The following MET variants were observed in gnomAD, a reference collection of about 807,000 sequenced individuals.
MET encodes MET proto-oncogene, receptor tyrosine kinase, also known as hepatocyte growth factor receptor.
In MET, 48 loss-of-function variants were observed where a neutral mutation model predicts 133.1. The ratio of observed to expected loss-of-function variants is 0.36; its 90% confidence interval spans 0.29 to 0.46. The LOEUF is 0.46. Ranked by LOEUF, MET falls within the 20% of genes least tolerant of loss-of-function variation. The probability of loss-of-function intolerance (pLI) is 1.00; values close to 1 mark genes in which losing one functional copy is unlikely to be tolerated. For missense variants in MET, 1,442 were observed against 1,695.9 expected (o/e 0.85, Z 2.63); for synonymous variants, 628 against 616.5 (o/e 1.02, Z -0.28).
intron 5 of MET, among the ~76,000 whole-genome samples, chr7:116,753,489 G>T (rs76575533): frequency 1.3e-5 from 2 of 151,998 alleles, no homozygotes; most frequent in Non-Finnish European, 2.9e-5. Flanking sequence ...TGCCTAATGC[G>T]GTCTTAAATC....
At chr7:116,747,648 G>A (rs1490136874) in intron 5 of MET, among the ~76,000 whole-genome samples, 2 of 152,146 alleles carry the variant, frequency 1.3e-5, no homozygotes, top group Admixed American at 1.3e-4. Context: ...GACCTACAAG[G>A]AGACTTAGAC....
intron 1 of MET, among the ~76,000 whole-genome samples, chr7:116,693,901 T>C (rs958634375): frequency 3.3e-5 from 5 of 152,232 alleles, no homozygotes; most frequent in Admixed American, 6.5e-5. Context: ...CATTAACTTA[T>C]TGAATCCTTA....
rs376097698 is a variant in MET, at chr7:116,699,637, C to A, written c.553C>A (p.Leu185Ile). Residue 185 changes from leucine (L) to isoleucine (I), a missense_variant, in exon 2 of 21, where the codon CTT (leucine) becomes ATT (isoleucine). Leu to Ile is a conservative substitution (Grantham distance 5, BLOSUM62 2). Coordinates refer to ENST00000397752, the MANE Select transcript of MET (RefSeq NM_000245.4). ...CVVSALGAKVLSSVKDRFINF... is the reference protein window; with the variant it reads ...CVVSALGAKVISSVKDRFINF... ...GGTGAGCGCCCTGGGAGCCAAAGTC[C>A]TTTCATCTGTAAAGGACCGGTTCAT... 1 of 1,613,858 alleles carries A rather than the reference C, an allele frequency of 6.2e-7. No individual in the cohort carries two copies. Among genetic ancestry groups the A allele is most frequent in the Non-Finnish European group, 8.5e-7 (1 of 1,179,966 alleles).
chr7:116,783,165 A>C (rs191438754), intron 18 of MET, 139 bp from the exon 19 acceptor site: 3 of 937,576 alleles, frequency 3.2e-6, no homozygotes, highest in Middle Eastern at 3.1e-4. Flanking sequence ...AGTGTTAGTC[A>C]ATAGAGGCCA....
chr7:116,695,255 C>T (rs1233307049), intron 1 of MET, among the ~76,000 whole-genome samples: 1 of 152,030 alleles, frequency 6.6e-6, no homozygotes. Flanking sequence ...TACATATTTG[C>T]AGTTTGGTTT....
Position 116,749,719 on chromosome 7 carries a change from C to T in MET, c.1702-5636C>T, listed in dbSNP as rs1230964289. Among the ~76,000 whole-genome samples, 6 of 152,308 alleles carry T rather than the reference C, an allele frequency of 3.9e-5. 1 individual carries two copies. The East Asian group carries it at 1.2e-3, about 29-fold the overall frequency. ...GCATATTTAGAAAACCCCATCGTCT[C>T]AGCCCAAAATCTCCTTAAGCTGATA... On this transcript the variant is annotated intron_variant, in intron 5 of 20. Coordinates refer to ENST00000397752, the MANE Select transcript of MET (RefSeq NM_000245.4).
At chr7:116,753,657 G>GA (rs1364044303) in intron 5 of MET, among the ~76,000 whole-genome samples, 1 of 152,196 alleles carries the variant, frequency 6.6e-6, no homozygotes, top group East Asian at 1.9e-4. Flanking sequence ...AGATAATTAG[G>GA]AAAAATTGTT....
At chr7:116,756,105 G>A (rs1794168864) in intron 6 of MET, among the ~76,000 whole-genome samples, 1 of 152,212 alleles carries the variant, frequency 6.6e-6, no homozygotes, top group Non-Finnish European at 1.5e-5. Flanking sequence ...AGAGGTACCT[G>A]AAGTTCAGAG....
chr7:116,691,318 C>T (rs973936058), intron 1 of MET, among the ~76,000 whole-genome samples: 1 of 152,098 alleles, frequency 6.6e-6, no homozygotes, highest in Non-Finnish European at 1.5e-5. Context: ...GATATGTTCT[C>T]AAATGCAAAG....
Position 116,724,064 on chromosome 7 carries a change from G to A in MET, c.1201-7604G>A, listed in dbSNP as rs1013329027. 9 of 172,188 alleles carry A rather than the reference G, an allele frequency of 5.2e-5. No homozygotes were observed. In the South Asian group the frequency reaches 1.5e-3, roughly 28 times the overall value. 10.7% of individuals were successfully genotyped at this position (172,188 alleles called of 1,614,324 possible). A position where few individuals can be genotyped will look rare whatever the true frequency, so the allele number is the denominator to read the frequency against. On this transcript the variant is annotated intron_variant, in intron 2 of 20. Transcript: ENST00000397752. ...TACCTAAGCAAGCCTGGGCAATGGC[G>A]GGTGCCCCTCCCCCAGCCTCGCTGC...
At chr7:116,733,963 A>G (rs1793118260) in intron 3 of MET, among the ~76,000 whole-genome samples, 1 of 152,250 alleles carries the variant, frequency 6.6e-6, no homozygotes, top group Admixed American at 6.5e-5. Context: ...AATTTTATAA[A>G]GAAACCTAAA....
Position 116,700,238 on chromosome 7 carries a change from G to A in MET, c.1154G>A (p.Cys385Tyr), listed in dbSNP as rs752055485. Residue 385 changes from cysteine (C) to tyrosine (Y), a missense_variant, in exon 2 of 21, where the codon TGT (cysteine) becomes TAT (tyrosine). This residue lies in a region of MET where 762 missense variants were observed against 792.4 expected (regional missense o/e 0.96). Coordinates refer to ENST00000397752, the MANE Select transcript of MET (RefSeq NM_000245.4). ...ATCGTCAACAAAAACAATGTGAGAT[G>A]TCTCCAGCATTTTTACGGACCCAAT... ...NKIVNKNNVR[C>Y]LQHFYGPNHE... The A allele has an allele frequency of 1.3e-6, 2 of 1,599,696 alleles. No individual in the cohort carries two copies. Among genetic ancestry groups the A allele is most frequent in the Admixed American group, 1.8e-5 (1 of 56,264 alleles).
chr7:116,726,278 C>A (rs891016495), intron 2 of MET, among the ~76,000 whole-genome samples: 1 of 147,730 alleles, frequency 6.8e-6, no homozygotes. Flanking sequence ...TATTCCTCCC[C>A]CTCCTGGAAA....
At chr7:116,707,097 C>T (rs1390452240) in intron 2 of MET, among the ~76,000 whole-genome samples, 1 of 151,956 alleles carries the variant, frequency 6.6e-6, no homozygotes, top group Non-Finnish European at 1.5e-5. Flanking sequence ...TCACCCTAGA[C>T]CTAGTCTAAT....
Position 116,699,111 on chromosome 7 carries a change from T to A in MET, c.27T>A (p.Pro9=). The change falls in exon 2 of 21, where the codon CCT becomes CCA. Residue 9 remains proline (P), a synonymous_variant. Transcript: ENST00000397752. MKAPAVLA[P]GILVLLFTLV... ...TGAAGGCCCCCGCTGTGCTTGCACCTGGCATCCTCGTGCTCCTGTTTACCT... is the reference window on the plus strand; with the variant it reads ...TGAAGGCCCCCGCTGTGCTTGCACCAGGCATCCTCGTGCTCCTGTTTACCT... 2 of 1,613,906 alleles carry A rather than the reference T, an allele frequency of 1.2e-6. No individual in the cohort carries two copies. The highest frequency in any genetic ancestry group is 1.3e-5 in the African/African-American group (1 of 75,016).
intron 6 of MET, among the ~76,000 whole-genome samples, chr7:116,755,789 T>A (rs1216816717): frequency 1.3e-5 from 2 of 152,168 alleles, no homozygotes; most frequent in African/African-American, 4.8e-5. Context: ...TCAGGTGTTG[T>A]CTGAGTAGAT....
chr7:116,698,971 T>A, intron 1 of MET, 100 bp from the exon 2 acceptor site: 41 of 1,544,198 alleles, frequency 2.7e-5, no homozygotes, highest in Non-Finnish European at 3.5e-5. Flanking sequence ...AAAGTCCAGT[T>A]GGGAAGCTTT....
In MET at chr7:116,763,369, A is replaced by G. The variant is rs73716767; in HGVS notation, c.2583+101A>G. 786 of 1,015,470 alleles carry G rather than the reference A, an allele frequency of 7.7e-4. No homozygotes were observed. The African/African-American group carries it at 9.5e-3, about 12-fold the overall frequency. The allele number at this position is 1,015,470 out of a possible 1,614,324, so 62.9% of individuals were successfully genotyped here. On this transcript the variant is annotated intron_variant, in intron 11 of 20. Coordinates refer to ENST00000397752, the MANE Select transcript of MET (RefSeq NM_000245.4). ...GTTGTACTTGGCCATTGTATCTTAT[A>G]CAACACCAGCAAATATATAAACTCT...
intron 5 of MET, 117 bp downstream of exon 5, chr7:116,741,142 T>G (rs771180044): frequency 3.5e-5 from 43 of 1,217,182 alleles, no homozygotes; most frequent in Admixed American, 3.3e-4. Flanking sequence ...TGAAAAAAAT[T>G]TAAAAATCAA....
Sources: gnomAD v4.1 joint callset for allele counts (sites outside exome capture counted in the v4.1 genomes callset) on GRCh38, gnomAD v4.1.1 for gene constraint, gnomAD v4.1.1 regional missense constraint, MANE v1.5 for transcripts, NCBI Gene and HGNC (gene_info 2026-07-23, HGNC 2026-07-21) for gene names.